Variants in TBC1D30 observed in about 807,000 individuals in gnomAD.
TBC1D30 encodes the protein TBC1 domain family, member 30.
In TBC1D30, 31 loss-of-function variants were observed where a neutral mutation model predicts 63.2. The ratio of observed to expected loss-of-function variants is 0.49; its 90% confidence interval spans 0.37 to 0.66. TBC1D30 has a LOEUF of 0.66. Among genes scored for constraint, TBC1D30 ranks in the 30% least tolerant of loss-of-function variants. The probability of loss-of-function intolerance (pLI) is 0.00; values close to 1 mark genes in which losing one functional copy is unlikely to be tolerated. For missense variants in TBC1D30, 810 were observed against 953.6 expected (o/e 0.85, Z 1.98); for synonymous variants, 307 against 361.5 (o/e 0.85, Z 1.71).
chr12:64,834,616 AG>A (rs1300595984), intron 5 of TBC1D30, among the ~76,000 whole-genome samples: 1 of 151,064 alleles, frequency 6.6e-6, no homozygotes, highest in Non-Finnish European at 1.5e-5. Flanking sequence ...CATGTTGACC[AG>A]GCTGGTCTCA....
chr12:64,841,851 T>C (rs921635045), intron 7 of TBC1D30, among the ~76,000 whole-genome samples: 1 of 152,236 alleles, frequency 6.6e-6, no homozygotes, highest in African/African-American at 2.4e-5. Flanking sequence ...TGCTCTTTTA[T>C]AGTAATATTT....
intron 4 of TBC1D30, among the ~76,000 whole-genome samples, chr12:64,831,882 T>A (rs892619517): frequency 1.3e-5 from 2 of 152,206 alleles, no homozygotes; most frequent in Admixed American, 1.3e-4. Flanking sequence ...ACGTTTTAAG[T>A]TGAAAATTTG....
At chr12:64,763,356 C>G (rs896020561) in intron 1 of TBC1D30, among the ~76,000 whole-genome samples, 54 of 152,130 alleles carry the variant, frequency 3.5e-4, no homozygotes, top group African/African-American at 2.4e-5. Context: ...TTATTACTTT[C>G]ATTTGCAGTT....
chr12:64,857,784 G>A (rs1877434528), intron 8 of TBC1D30, among the ~76,000 whole-genome samples: 1 of 152,218 alleles, frequency 6.6e-6, no homozygotes, highest in Non-Finnish European at 1.5e-5. Flanking sequence ...CTAGATGGGC[G>A]ATTCCCCACT....
At chr12:64,808,695 T>C (rs1481643667) in intron 2 of TBC1D30, among the ~76,000 whole-genome samples, 1 of 152,192 alleles carries the variant, frequency 6.6e-6, no homozygotes, top group Non-Finnish European at 1.5e-5. Flanking sequence ...TCTTTTCATC[T>C]TGCAAAATTG....
chr12:64,862,783 G>C (rs1317699772), intron 8 of TBC1D30, among the ~76,000 whole-genome samples: 1 of 152,124 alleles, frequency 6.6e-6, no homozygotes, highest in East Asian at 1.9e-4. Flanking sequence ...TTAAATGTCT[G>C]AACACATTTC....
rs759040824 is a variant in TBC1D30, at chr12:64,870,801, C to G, written c.1491C>G (p.Ile497Met). 1.6e-5 allele frequency: 24 copies of G among 1,535,864 alleles called. No individual in the cohort carries two copies. Among genetic ancestry groups the G allele is most frequent in the Non-Finnish European group, 8.7e-7 (1 of 1,146,840 alleles). ...AGCAGCAGGTTCATCAGGTGTACAT[C>G]AGGGCAGGTAATGTGATTCTTCATT... is the stretch of plus-strand genomic sequence containing the variant. Reference protein sequence around the residue: ...KQQQQVHQVYIRADKGPVTSI... With the variant: ...KQQQQVHQVYMRADKGPVTSI... Residue 497 changes from isoleucine to methionine, a missense_variant, in exon 11 of 12, where the codon ATC (isoleucine) becomes ATG (methionine). Ile to Met is a conservative substitution (Grantham distance 10, BLOSUM62 1). Around this residue, in one of 4 missense-constraint regions of TBC1D30, gnomAD observed 450 missense variants for 473.0 expected, o/e 0.95. Transcript: ENST00000539867.
chr12:64,827,951 A>G, intron 2 of TBC1D30, 55 bp downstream of exon 2: 5 of 1,161,750 alleles, frequency 4.3e-6, no homozygotes, highest in African/African-American at 1.5e-5. Flanking sequence ...GGGCACATTG[A>G]GATATATTCT....
At chr12:64,762,866 C>G (rs1021783464) in intron 1 of TBC1D30, among the ~76,000 whole-genome samples, 1 of 151,892 alleles carries the variant, frequency 6.6e-6, no homozygotes, top group Non-Finnish European at 1.5e-5. Flanking sequence ...TATTTTTCAC[C>G]TCAGTTCATT....
upstream of TBC1D30, among the ~76,000 whole-genome samples, chr12:64,776,667 T>C (rs1871089578): frequency 6.6e-6 from 1 of 152,160 alleles, no homozygotes; most frequent in Non-Finnish European, 1.5e-5. Flanking sequence ...ACAGCTGAAT[T>C]CTAGCAGATG....
intron 11 of TBC1D30, among the ~76,000 whole-genome samples, chr12:64,874,705 G>A (rs1035745801): frequency 6.6e-6 from 1 of 151,656 alleles, no homozygotes; most frequent in African/African-American, 2.4e-5. Context: ...AGAGCTCTCT[G>A]TAAAAAAAAA....
At chr12:64,824,273 G>A (rs922192154), upstream of TBC1D30, among the ~76,000 whole-genome samples, 1 of 151,916 alleles carries the variant, frequency 6.6e-6, no homozygotes, top group Non-Finnish European at 1.5e-5. Flanking sequence ...ATAATTCAAC[G>A]CAATTCGGGC....
intron 8 of TBC1D30, among the ~76,000 whole-genome samples, chr12:64,862,008 A>G (rs935502570): frequency 2.0e-5 from 3 of 152,210 alleles, no homozygotes; most frequent in Non-Finnish European, 4.4e-5. Context: ...CCCATAACTG[A>G]AAGTGCTTAA....
chr12:64,765,550 G>A (rs1319423847), intron 1 of TBC1D30, among the ~76,000 whole-genome samples: 3 of 129,658 alleles, frequency 2.3e-5, no homozygotes, highest in Non-Finnish European at 4.9e-5. Context: ...ACAGGAAAAT[G>A]TGACCCCATG....
intron 8 of TBC1D30, among the ~76,000 whole-genome samples, chr12:64,845,615 A>G (rs919200475): frequency 1.3e-5 from 2 of 151,492 alleles, no homozygotes; most frequent in Admixed American, 6.6e-5. Context: ...AGTCCCAGCT[A>G]CTCAGGAGGC....
chr12:64,768,722 G>A (rs1269719481), intron 1 of TBC1D30: 1 of 152,128 alleles, frequency 6.6e-6, no homozygotes, highest in African/African-American at 2.4e-5. Context: ...AGTGACTCTT[G>A]GCAAATGCAA....
At chr12:64,850,403 G>A (rs1187660111) in intron 8 of TBC1D30, among the ~76,000 whole-genome samples, 2 of 152,274 alleles carry the variant, frequency 1.3e-5, no homozygotes, top group African/African-American at 4.8e-5. Flanking sequence ...TATGATATTG[G>A]CTGTGGGTTT....
intron 8 of TBC1D30, among the ~76,000 whole-genome samples, chr12:64,862,686 A>G (rs1366875939): frequency 6.6e-6 from 1 of 152,228 alleles, no homozygotes; most frequent in Non-Finnish European, 1.5e-5. Context: ...CTTTAATAAG[A>G]CATCTTATTT....
chr12:64,826,000 T>C (rs1273003205), intron 1 of TBC1D30, among the ~76,000 whole-genome samples: 2 of 152,094 alleles, frequency 1.3e-5, no homozygotes, highest in Non-Finnish European at 2.9e-5. Flanking sequence ...CGTGGTTTCT[T>C]TGTTGTTCTC....
Sources: gnomAD v4.1 joint callset for allele counts (sites outside exome capture counted in the v4.1 genomes callset) on GRCh38, gnomAD v4.1.1 for gene constraint, gnomAD v4.1.1 regional missense constraint, MANE v1.5 for transcripts, NCBI Gene and HGNC (gene_info 2026-07-23, HGNC 2026-07-21) for gene names.